CDH23: variants seen among roughly 807,000 people sequenced by gnomAD.
The protein encoded by CDH23 is cadherin-23.
CDH23 carries 189 observed loss-of-function variants against 317.1 expected under a neutral mutation model. The ratio of observed to expected loss-of-function variants is 0.60; its 90% CI spans 0.53 to 0.67. The LOEUF is 0.67. Among genes scored for constraint, CDH23 ranks in the 30% least tolerant of loss-of-function variants. The probability of loss-of-function intolerance (pLI) is 0.00; values close to 1 mark genes in which losing one functional copy is unlikely to be tolerated. For missense variants in CDH23, 4,401 were observed against 4,592.4 expected (o/e 0.96, Z 1.20); for synonymous variants, 1,839 against 1,876.8 (o/e 0.98, Z 0.52).
chr10:71,611,810 A>T (rs969667221), intron 9 of CDH23, among the ~76,000 whole-genome samples: 6 of 152,170 alleles, frequency 3.9e-5, no homozygotes, highest in Non-Finnish European at 5.9e-5. Context: ...TTTATCATGA[A>T]TGTCTGTCTT....
intron 9 of CDH23, among the ~76,000 whole-genome samples, chr10:71,582,837 G>A (rs1029720605): frequency 4.6e-5 from 7 of 152,194 alleles, no homozygotes; most frequent in African/African-American, 1.7e-4. Context: ...TTCGCCCTGG[G>A]AACCTGCAGT....
At chr10:71,682,325 A>T in intron 17 of CDH23, 120 bp from the exon 18 acceptor site, 1 of 1,353,152 alleles carries the variant, frequency 7.4e-7, no homozygotes, top group Non-Finnish European at 1.0e-6. Flanking sequence ...TGTTCAGAAA[A>T]CAAGCCAGAG....
At chr10:71,715,884 G>A (rs1866194973) in intron 28 of CDH23, 2 of 1,419,516 alleles carry the variant, frequency 1.4e-6, no homozygotes, top group South Asian at 1.5e-5. Context: ...TGAAGCAGGA[G>A]GATCTACAGG....
At chr10:71,737,788 G>C (rs1387532147) in intron 34 of CDH23, 1 of 468,276 alleles carries the variant, frequency 2.1e-6, no homozygotes, top group Admixed American at 2.3e-5. Flanking sequence ...ACCCGCGGCA[G>C]GCCTTCACTC....
intron 1 of CDH23, among the ~76,000 whole-genome samples, chr10:71,403,702 A>G (rs1207147639): frequency 6.6e-6 from 1 of 151,454 alleles, no homozygotes; most frequent in East Asian, 2.0e-4. Context: ...TTTTTAGTAG[A>G]AACGGGGTTT....
intron 6 of CDH23, among the ~76,000 whole-genome samples, chr10:71,546,590 C>T (rs1856295973): frequency 2.0e-5 from 3 of 152,156 alleles, no homozygotes; most frequent in Non-Finnish European, 4.4e-5. Context: ...AGTTGGCCTG[C>T]GTGTCCACTG....
chr10:71,806,782 G>A (rs10823851), intron 57 of CDH23, among the ~76,000 whole-genome samples: 42,059 of 151,892 alleles, frequency 0.28, 6,190 homozygotes, highest in East Asian at 0.53. Flanking sequence ...TTGCCATGTT[G>A]GCCAGGCTGG....
At chr10:71,702,873 G>A (rs2132734165) in intron 24 of CDH23, among the ~76,000 whole-genome samples, 179 bp downstream of exon 24, 1 of 152,338 alleles carries the variant, frequency 6.6e-6, no homozygotes, top group East Asian at 1.9e-4. Context: ...GATGGGCAAA[G>A]GCAGAGGTAG....
intron 9 of CDH23, among the ~76,000 whole-genome samples, chr10:71,594,077 G>C (rs1859679108): frequency 6.6e-6 from 1 of 152,140 alleles, no homozygotes; most frequent in South Asian, 2.1e-4. Flanking sequence ...CTGGGCGATA[G>C]AGTGAAACCT....
intron 37 of CDH23, 60 bp downstream of exon 37, chr10:71,741,010 A>T (rs770054939): frequency 7.0e-5 from 112 of 1,597,664 alleles, no homozygotes; most frequent in Non-Finnish European, 8.8e-5. Context: ...GGCACGAGCC[A>T]ACCATGCAGC....
At chr10:71,765,590 C>T (rs749080483) in intron 38 of CDH23, among the ~76,000 whole-genome samples, 9 of 152,274 alleles carry the variant, frequency 5.9e-5, no homozygotes, top group Non-Finnish European at 1.5e-5. Flanking sequence ...CCATAGCACC[C>T]GCAGCAGTAG....
chr10:71,557,072 C>T (rs1331649504), intron 6 of CDH23, among the ~76,000 whole-genome samples: 2 of 152,172 alleles, frequency 1.3e-5, no homozygotes, highest in Non-Finnish European at 2.9e-5. Flanking sequence ...ACATAAACAC[C>T]CTTCTCTTAA....
chr10:71,730,344 C>T lies in CDH23; in HGVS notation c.3580-125C>T, dbSNP rs199717566. Reference sequence around the variant, plus strand: ...TGACCCACCAGACAGGCCTGGGGTCCTAGAGGGAGCTCACAGCAGGCCCAG... The same window carrying T: ...TGACCCACCAGACAGGCCTGGGGTCTTAGAGGGAGCTCACAGCAGGCCCAG... On this transcript the variant is annotated intron_variant, in intron 30 of 69. Coordinates refer to ENST00000224721, the MANE Select transcript of CDH23 (RefSeq NM_022124.6). 77 of 1,269,452 alleles carry T rather than the reference C, an allele frequency of 6.1e-5. No homozygotes were observed. In the East Asian group the frequency reaches 1.5e-3, roughly 25 times the overall value. 78.6% of individuals were successfully genotyped at this position (1,269,452 alleles called of 1,614,324 possible).
intron 22 of CDH23, among the ~76,000 whole-genome samples, chr10:71,697,180 G>A (rs1030382891): frequency 2.6e-5 from 4 of 152,202 alleles, no homozygotes; most frequent in Non-Finnish European, 4.4e-5. Flanking sequence ...ACAGTCTTGG[G>A]CATCTGCAAG....
intron 14 of CDH23, among the ~76,000 whole-genome samples, chr10:71,669,630 T>A (rs1864060071): frequency 6.6e-6 from 1 of 152,262 alleles, no homozygotes; most frequent in East Asian, 2.0e-4. Flanking sequence ...GTATTTTTAA[T>A]AGAGACTGGG....
At chr10:71,644,957 G>A (rs1302646993) in intron 12 of CDH23, among the ~76,000 whole-genome samples, 2 of 152,214 alleles carry the variant, frequency 1.3e-5, no homozygotes, top group East Asian at 3.8e-4. Flanking sequence ...ATCACTTTCT[G>A]AGCAGGCCAG....
At chr10:71,640,609 G>C (rs190070714) in intron 11 of CDH23, among the ~76,000 whole-genome samples, 2 of 152,198 alleles carry the variant, frequency 1.3e-5, no homozygotes, top group African/African-American at 4.8e-5. Context: ...TTCCCCGGGC[G>C]TGGTGGCGCA....
chr10:71,424,221 T>C (rs1235533816), intron 1 of CDH23, among the ~76,000 whole-genome samples: 1 of 152,248 alleles, frequency 6.6e-6, no homozygotes, highest in Non-Finnish European at 1.5e-5. Context: ...CCCCGCCTGA[T>C]GGTTCCCAGG....
At chr10:71,519,413 G>T (rs988623212) in intron 6 of CDH23, among the ~76,000 whole-genome samples, 1 of 152,254 alleles carries the variant, frequency 6.6e-6, no homozygotes, top group Admixed American at 6.5e-5. Flanking sequence ...AGGGTACAGG[G>T]TCTTCTGCCT....
Sources: gnomAD v4.1 joint callset for allele counts (sites outside exome capture counted in the v4.1 genomes callset) on GRCh38, gnomAD v4.1.1 for gene constraint, MANE v1.5 for transcripts, NCBI Gene and HGNC (gene_info 2026-07-23, HGNC 2026-07-21) for gene names.